The following WDR45B variants were observed in gnomAD, a reference collection of about 807,000 sequenced individuals.
WDR45B encodes the protein WD repeat domain phosphoinositide-interacting protein 3.
In WDR45B, 20 loss-of-function variants were observed where a neutral mutation model predicts 44.6. That is an observed-to-expected ratio of 0.45 (90% CI 0.32 to 0.65). The LOEUF (loss-of-function observed/expected upper bound fraction) is 0.65, where lower values mean the gene tolerates loss of function less well. Among genes scored for constraint, WDR45B ranks in the 30% least tolerant of loss-of-function variants. The probability of loss-of-function intolerance (pLI) is 0.05; values close to 1 mark genes in which losing one functional copy is unlikely to be tolerated. For missense variants in WDR45B, 323 were observed against 430.2 expected (o/e 0.75, Z 2.20); for synonymous variants, 169 against 164.9 (o/e 1.02, Z -0.19).
chr17:82,623,865 A>G (rs1390149276), intron 5 of WDR45B, among the ~76,000 whole-genome samples: 2 of 152,088 alleles, frequency 1.3e-5, no homozygotes, highest in Non-Finnish European at 2.9e-5. Context: ...CCAAAACCAC[A>G]AGGAGATGCC....
intron 8 of WDR45B, 107 bp downstream of exon 8, chr17:82,617,189 C>T: frequency 3.1e-6 from 3 of 967,914 alleles, no homozygotes; most frequent in Non-Finnish European, 4.9e-6. Context: ...CATATGAGGT[C>T]TGTCCACACC....
intron 2 of WDR45B, among the ~76,000 whole-genome samples, chr17:82,633,297 G>A (rs527249477): frequency 6.6e-6 from 1 of 152,178 alleles, no homozygotes; most frequent in African/African-American, 2.4e-5. Flanking sequence ...CCACACATCT[G>A]ATACAGTGCG....
At chr17:82,642,898 G>A (rs953087870) in intron 2 of WDR45B, among the ~76,000 whole-genome samples, 1 of 152,182 alleles carries the variant, frequency 6.6e-6, no homozygotes, top group Non-Finnish European at 1.5e-5. Context: ...TCAGTAAAAA[G>A]TATCCTGAGA....
intron 3 of WDR45B, 49 bp from the exon 4 acceptor site, chr17:82,627,340 C>CGCTGGGAT (rs758276252): frequency 5.0e-5 from 73 of 1,473,648 alleles, no homozygotes; most frequent in Non-Finnish European, 6.0e-5. Flanking sequence ...CAGGCCATGG[C>CGCTGGGAT]GCTGGGATGC....
At position 82,648,373 on chromosome 17, in the gene WDR45B, G is replaced by A. The variant is rs770064488; in HGVS notation, c.-33C>T. On this transcript the variant is annotated 5_prime_UTR_variant, in exon 1 of 10. Coordinates refer to ENST00000392325, the MANE Select transcript of WDR45B (RefSeq NM_019613.4). ...CCGTGCTGGGTCGCCGCTCCTCAGC[G>A]CTGCATGCCTCTCGCTGGGGACGGC... is the stretch of plus-strand genomic sequence containing the variant. The A allele has an allele frequency of 6.3e-7, 1 of 1,599,140 alleles. No homozygotes were observed. Among genetic ancestry groups the A allele is most frequent in the South Asian group, 1.1e-5 (1 of 89,246 alleles).
At chr17:82,617,191 G>C in intron 8 of WDR45B, 105 bp downstream of exon 8, 1 of 1,012,852 alleles carries the variant, frequency 9.9e-7, no homozygotes, top group East Asian at 2.5e-5. Flanking sequence ...TATGAGGTCT[G>C]TCCACACCAC....
chr17:82,621,707 T>C lies in WDR45B; in HGVS notation c.520A>G (p.Thr174Ala). Reference protein sequence around the residue: ...GHVQLVDLASTEKPPVDIPAH... With the variant: ...GHVQLVDLASAEKPPVDIPAH... Reference sequence around the variant, plus strand: ...GGAATGTCCACGGGTGGCTTCTCCGTGCTGGCCAGGTCCACAAGCTGCACA... The same window carrying C: ...GGAATGTCCACGGGTGGCTTCTCCGCGCTGGCCAGGTCCACAAGCTGCACA... Residue 174 changes from threonine to alanine, a missense_variant, in exon 6 of 10, where the codon ACG becomes GCG. Coordinates refer to ENST00000392325, the MANE Select transcript of WDR45B (RefSeq NM_019613.4). 6.2e-7 allele frequency: 1 copy of C among 1,614,126 alleles called. No homozygotes were observed. Among genetic ancestry groups the C allele is most frequent in the East Asian group, 2.2e-5 (1 of 44,876 alleles).
intron 7 of WDR45B, 77 bp downstream of exon 7, chr17:82,618,966 C>CT: frequency 7.1e-7 from 1 of 1,417,714 alleles, no homozygotes; most frequent in Non-Finnish European, 1.0e-6. Context: ...CTCCTACCCC[C>CT]TCTCCCAAAT....
Position 82,615,692 on chromosome 17 carries a change from C to A in WDR45B, c.*227G>T. 1 of 563,590 alleles carries A rather than the reference C, an allele frequency of 1.8e-6. No homozygotes were observed. The allele number at this position is 563,590 out of a possible 1,614,324, so 34.9% of individuals were successfully genotyped here. ...ATGGGAACAGCCAGTGGCCGCCAGT[C>A]GAGCTGGTCACAGCCACTGAGTTAC... On this transcript the variant is annotated 3_prime_UTR_variant, in exon 10 of 10. Coordinates refer to ENST00000392325, the MANE Select transcript of WDR45B (RefSeq NM_019613.4).
chr17:82,626,842 T>G, intron 4 of WDR45B: 1 of 309,174 alleles, frequency 3.2e-6, no homozygotes, highest in Non-Finnish European at 6.2e-6. Flanking sequence ...AGAGGCAGCA[T>G]TTGGCAAAGC....
rs1290041602 is a variant in WDR45B at position 82,635,886 on chromosome 17, A to C, written c.143-4864T>G. Among the ~76,000 whole-genome samples the C allele has an allele frequency of 2.0e-5, 3 of 151,822 alleles. No homozygotes were observed. In the East Asian group the frequency reaches 5.8e-4, roughly 29 times the overall value. On this transcript the variant is annotated intron_variant, in intron 2 of 9. Transcript: ENST00000392325. ...GGTGGATCCCTCAGGTCGGGAGTTCAAGACCAGCGCGACCAACATGGAAAA... is the reference window on the plus strand; with the variant it reads ...GGTGGATCCCTCAGGTCGGGAGTTCCAGACCAGCGCGACCAACATGGAAAA...
At chr17:82,635,430 T>G (rs2045820330) in intron 2 of WDR45B, among the ~76,000 whole-genome samples, 1 of 148,466 alleles carries the variant, frequency 6.7e-6, no homozygotes, top group South Asian at 2.1e-4. Flanking sequence ...TTTCAGGTTT[T>G]TTTTTTTTTT....
intron 1 of WDR45B, among the ~76,000 whole-genome samples, chr17:82,647,840 G>A (rs560003690): frequency 4.6e-5 from 7 of 152,024 alleles, no homozygotes; most frequent in East Asian, 2.0e-4. Flanking sequence ...GCAAAACGGG[G>A]TTCTGGGCAG....
At chr17:82,632,030 G>C (rs528740637) in intron 2 of WDR45B, among the ~76,000 whole-genome samples, 1 of 151,396 alleles carries the variant, frequency 6.6e-6, no homozygotes, top group East Asian at 2.0e-4. Flanking sequence ...GCAGTGAGCC[G>C]AGATCACACC....
At chr17:82,625,506 A>T in intron 4 of WDR45B, 23 bp from the exon 5 acceptor site, 1 of 1,611,140 alleles carries the variant, frequency 6.2e-7, no homozygotes, top group Non-Finnish European at 8.5e-7. Context: ...ACATGATCAG[A>T]GTTGCTTTCC....
chr17:82,617,477 ACT>A, intron 7 of WDR45B, 80 bp from the exon 8 acceptor site: 4 of 1,351,946 alleles, frequency 3.0e-6, no homozygotes, highest in Non-Finnish European at 4.2e-6. Context: ...ACTTGTCGAC[ACT>A]GTGGAACACC....
At chr17:82,635,239 T>G (rs535573320) in intron 2 of WDR45B, among the ~76,000 whole-genome samples, 1 of 152,024 alleles carries the variant, frequency 6.6e-6, no homozygotes, top group South Asian at 2.1e-4. Context: ...GTGTAACTAT[T>G]TCCTCAATGT....
intron 1 of WDR45B, among the ~76,000 whole-genome samples, chr17:82,645,602 A>G (rs1173228967): frequency 6.6e-6 from 1 of 152,134 alleles, no homozygotes; most frequent in Non-Finnish European, 1.5e-5. Context: ...TTGGAAAACT[A>G]TTTGTACTAT....
At chr17:82,618,961 A>AC in intron 7 of WDR45B, 82 bp downstream of exon 7, 3 of 1,342,200 alleles carry the variant, frequency 2.2e-6, no homozygotes, top group Non-Finnish European at 2.1e-6. Context: ...GGCTGCTCCT[A>AC]CCCCCTCTCC....
Sources: gnomAD v4.1 joint callset for allele counts (sites outside exome capture counted in the v4.1 genomes callset) on GRCh38, gnomAD v4.1.1 for gene constraint, MANE v1.5 for transcripts, NCBI Gene and HGNC (gene_info 2026-07-23, HGNC 2026-07-21) for gene names.